Variants in MARF1 observed in about 807,000 individuals in gnomAD.
The protein encoded by MARF1 is meiosis regulator and mRNA stability factor 1.
In MARF1, 24 loss-of-function variants were observed where a neutral mutation model predicts 168.2. The ratio of observed to expected loss-of-function variants is 0.14; its 90% CI spans 0.10 to 0.20. The LOEUF (loss-of-function observed/expected upper bound fraction) is 0.20, where lower values mean the gene tolerates loss of function less well. Ranked by LOEUF, MARF1 falls within the 10% of genes least tolerant of loss-of-function variation. The pLI is 1.00. For synonymous variants in MARF1, 868 were observed against 822.4 expected, an observed-to-expected ratio of 1.06 and a Z score of -0.95; for missense variants, 1,744 against 2,143.6, an observed-to-expected ratio of 0.81 and a Z score of 3.68.
intron 25 of MARF1, 109 bp from the exon 26 acceptor site, chr16:15,599,133 G>C: frequency 3.6e-6 from 2 of 555,572 alleles, no homozygotes; most frequent in Non-Finnish European, 6.4e-6. Flanking sequence ...AGATAAGAGA[G>C]TCAAGAAGTA....
chr16:15,639,413 T>A, intron 1 of MARF1, 122 bp from the exon 2 acceptor site: 1 of 683,842 alleles, frequency 1.5e-6, no homozygotes. Context: ...TTCAAATCTT[T>A]GTTTCAAGAG....
At chr16:15,630,848 C>T (rs1025053870) in intron 6 of MARF1, among the ~76,000 whole-genome samples, 85 of 151,850 alleles carry the variant, frequency 5.6e-4, no homozygotes, top group Non-Finnish European at 2.5e-4. Context: ...AACCTGGTCC[C>T]GGCCGGGCGT....
chr16:15,631,023 G>A (rs1340305381), intron 6 of MARF1, among the ~76,000 whole-genome samples: 1 of 152,114 alleles, frequency 6.6e-6, no homozygotes, highest in Non-Finnish European at 1.5e-5. Context: ...CTAGCTACTT[G>A]GGAGGCTGAG....
intron 12 of MARF1, among the ~76,000 whole-genome samples, chr16:15,621,156 GA>G (rs1444489757): frequency 6.6e-6 from 1 of 151,736 alleles, no homozygotes; most frequent in African/African-American, 2.4e-5. Context: ...GTACAAGTTA[GA>G]AAAAAGATCT....
At chr16:15,635,364 C>T (rs898934788) in intron 3 of MARF1, 12 of 444,386 alleles carry the variant, frequency 2.7e-5, no homozygotes, top group African/African-American at 1.4e-4. Flanking sequence ...AAAAATCCAT[C>T]GTGCTTTAGC....
intron 1 of MARF1, among the ~76,000 whole-genome samples, chr16:15,640,120 A>G (rs1321535313): frequency 1.3e-5 from 2 of 152,200 alleles, no homozygotes; most frequent in Non-Finnish European, 2.9e-5. Context: ...ATCTAATCTG[A>G]GTAAAAGAGC....
At chr16:15,633,415 G>T (rs80103164) in intron 5 of MARF1, among the ~76,000 whole-genome samples, 1 of 152,022 alleles carries the variant, frequency 6.6e-6, no homozygotes, top group Non-Finnish European at 1.5e-5. Flanking sequence ...GCATGATGGC[G>T]TGCATCTGTG....
chr16:15,631,018 T>C (rs542708422), intron 6 of MARF1, among the ~76,000 whole-genome samples: 112 of 152,152 alleles, frequency 7.4e-4, no homozygotes, highest in Admixed American at 2.2e-3. Context: ...TAATCCTAGC[T>C]ACTTGGGAGG....
chr16:15,605,498 T>G (rs1177709259), intron 21 of MARF1, among the ~76,000 whole-genome samples: 1 of 152,068 alleles, frequency 6.6e-6, no homozygotes, highest in Non-Finnish European at 1.5e-5. Flanking sequence ...AGAAGCGGGT[T>G]TAATCAACCA....
intron 16 of MARF1, 21 bp from the exon 17 acceptor site, chr16:15,612,798 A>G (rs772479300): frequency 6.3e-6 from 10 of 1,597,656 alleles, no homozygotes; most frequent in South Asian, 3.3e-5. Flanking sequence ...AAGAACGTGT[A>G]TAAGACAGAA....
At chr16:15,607,630 G>A (rs999110560) in intron 21 of MARF1, among the ~76,000 whole-genome samples, 1 of 152,222 alleles carries the variant, frequency 6.6e-6, no homozygotes, top group Non-Finnish European at 1.5e-5. Flanking sequence ...AGAAATGTGT[G>A]CAGCTAGTAA....
chr16:15,632,825 T>C (rs1331875183), intron 5 of MARF1, among the ~76,000 whole-genome samples: 1 of 152,130 alleles, frequency 6.6e-6, no homozygotes, highest in Non-Finnish European at 1.5e-5. Flanking sequence ...AAAAGCAGAC[T>C]CTGGGGGTCA....
At chr16:15,599,581 A>G (rs1596425104) in intron 25 of MARF1, among the ~76,000 whole-genome samples, 1 of 152,236 alleles carries the variant, frequency 6.6e-6, no homozygotes, top group East Asian at 1.9e-4. Context: ...CTAAGGGCAC[A>G]GGGGACGGTA....
chr16:15,643,101 G>C lies in MARF1; in HGVS notation c.-142C>G. On this transcript the variant is annotated 5_prime_UTR_variant, in exon 1 of 27. Coordinates refer to ENST00000396368, the MANE Select transcript of MARF1 (RefSeq NM_014647.4). ...CCCCAGGCCCTTTGTTTTGATTCCC[G>C]ACTCCGCAGCTCCCGCCGCCGCCGC... The C allele has an allele frequency of 1.4e-4, 23 of 158,996 alleles. No individual in the cohort carries two copies. Among genetic ancestry groups the C allele is most frequent in the South Asian group, 3.1e-4 (5 of 16,110 alleles). 9.8% of individuals were successfully genotyped at this position (158,996 alleles called of 1,614,324 possible). A position where few individuals can be genotyped will look rare whatever the true frequency, so the allele number is the denominator to read the frequency against.
chr16:15,614,258 G>A (rs954320075), intron 16 of MARF1, among the ~76,000 whole-genome samples: 17 of 151,772 alleles, frequency 1.1e-4, no homozygotes, highest in South Asian at 2.1e-4. Flanking sequence ...TGAGGCGGGC[G>A]GATCACGAGG....
chr16:15,612,507 A>G, intron 17 of MARF1, 50 bp downstream of exon 17: 2 of 1,491,698 alleles, frequency 1.3e-6, no homozygotes, highest in Non-Finnish European at 1.9e-6. Context: ...AGCCAAAGCC[A>G]TGGAGGAACA....
In MARF1 at chr16:15,631,514, A is replaced by G. The variant is rs752384540; in HGVS notation, c.1234-16T>C. 7.8e-6 allele frequency: 12 copies of G among 1,536,672 alleles called. No homozygotes were observed. The highest frequency in any genetic ancestry group is 9.0e-6 in the Non-Finnish European group (10 of 1,112,638). On this transcript the variant is annotated splice_polypyrimidine_tract_variant and intron_variant, in intron 5 of 26. Coordinates refer to ENST00000396368, the MANE Select transcript of MARF1 (RefSeq NM_014647.4). ...CAACGGTTACCTGCATTAATTTATA[A>G]TAAGGGTGAATAAGCAGGAGCTGAG...
At chr16:15,622,886 A>T in intron 11 of MARF1, 48 bp downstream of exon 11, 1 of 1,449,588 alleles carries the variant, frequency 6.9e-7, no homozygotes. Flanking sequence ...TTGACTAGAG[A>T]CTCCATCAGA....
chr16:15,628,948 A>G (rs1455891945), intron 7 of MARF1, among the ~76,000 whole-genome samples: 1 of 152,150 alleles, frequency 6.6e-6, no homozygotes, highest in African/African-American at 2.4e-5. Flanking sequence ...AAATGGTTTG[A>G]ATTATCAAAA....
Sources: gnomAD v4.1 joint callset for allele counts (sites outside exome capture counted in the v4.1 genomes callset) on GRCh38, gnomAD v4.1.1 for gene constraint, MANE v1.5 for transcripts, NCBI Gene and HGNC (gene_info 2026-07-23, HGNC 2026-07-21) for gene names.